Variants in SPON2 observed in about 807,000 individuals in gnomAD.
SPON2 encodes spondin 2, also known as spondin-2.
A neutral mutation model predicts 29.9 loss-of-function variants in SPON2; 32 were observed. The ratio of observed to expected loss-of-function variants is 1.07; its 90% CI spans 0.81 to 1.44. SPON2 has a LOEUF of 1.44. Ranked by LOEUF, SPON2 falls within the 40% of genes most tolerant of loss-of-function variation. SPON2 has a pLI of 0.00. For missense variants in SPON2, 541 were observed against 455.5 expected, an observed-to-expected ratio of 1.19 and a Z score of -1.71; for synonymous variants, 248 against 209.1, an observed-to-expected ratio of 1.19 and a Z score of -1.61.
At chr4:1,170,250 A>T (rs1560200535) in intron 5 of SPON2, 152 bp downstream of exon 5, 1 of 750,636 alleles carries the variant, frequency 1.3e-6, no homozygotes, top group Non-Finnish European at 2.2e-6. Flanking sequence ...TGTGTGAATC[A>T]ACAGAATCCT....
chr4:1,170,550 C>A lies in SPON2; in HGVS notation c.663G>T (p.Pro221=), dbSNP rs545107781. 6.2e-7 allele frequency: 1 copy of A among 1,613,564 alleles called. No individual in the cohort carries two copies. The highest frequency in any genetic ancestry group is 1.1e-5 in the South Asian group (1 of 91,064). ...GCCGCGGGTAGTAGAAGGAGTTGGCCGGGTGGCTGGGAGAGGAGGACGTTA... is the reference window on the plus strand; with the variant it reads ...GCCGCGGGTAGTAGAAGGAGTTGGCAGGGTGGCTGGGAGAGGAGGACGTTA... ...TEITSSSPSH[P]ANSFYYPRLK... Residue 221 remains proline, a synonymous_variant, in exon 5 of 6, where the codon CCG becomes CCT. Transcript: ENST00000290902.
chr4:1,170,176 C>T (rs148823431), intron 5 of SPON2: 28 of 539,358 alleles, frequency 5.2e-5, no homozygotes, highest in African/African-American at 1.5e-4. Flanking sequence ...TCATTCTTTC[C>T]TCTGGGCTGT....
intron 1 of SPON2, among the ~76,000 whole-genome samples, chr4:1,207,192 G>A (rs559784857): frequency 3.9e-5 from 6 of 152,250 alleles, no homozygotes; most frequent in South Asian, 2.1e-4. Context: ...GCAGGCAGCC[G>A]GGCCCCGCCA....
At chr4:1,189,760 G>C (rs570475759) in intron 1 of SPON2, among the ~76,000 whole-genome samples, 37 of 151,742 alleles carry the variant, frequency 2.4e-4, no homozygotes, top group Non-Finnish European at 4.0e-4. Context: ...AGGCTGAGGC[G>C]GGCGGATCAC....
At chr4:1,177,387 A>G (rs538717075), upstream of SPON2, among the ~76,000 whole-genome samples, 5 of 152,348 alleles carry the variant, frequency 3.3e-5, no homozygotes, top group East Asian at 7.7e-4. Context: ...TGTGTTGCTA[A>G]GGTTGGACTT....
chr4:1,201,391 G>A (rs1429501959), intron 1 of SPON2: 1 of 316,818 alleles, frequency 3.2e-6, no homozygotes, highest in African/African-American at 2.2e-5. Context: ...CAGCAATGCA[G>A]GCAGGTGTTT....
intron 5 of SPON2, chr4:1,169,626 C>T (rs1727357087): frequency 6.6e-6 from 1 of 152,324 alleles, no homozygotes; most frequent in Non-Finnish European, 1.5e-5. Context: ...CCTGCCTCAA[C>T]TCCAGCCAGC....
At chr4:1,178,154 C>T (rs1206225869), upstream of SPON2, among the ~76,000 whole-genome samples, 4 of 149,388 alleles carry the variant, frequency 2.7e-5, no homozygotes, top group African/African-American at 9.9e-5. Flanking sequence ...CACCGAGGGC[C>T]TCCCTCCGGC....
chr4:1,184,447 C>T (rs1048682675), intron 1 of SPON2, among the ~76,000 whole-genome samples: 14 of 152,110 alleles, frequency 9.2e-5, no homozygotes, highest in East Asian at 3.9e-4. Flanking sequence ...AAACCAAAAC[C>T]GAAAGAGAGC....
At chr4:1,201,816 C>A (rs923343889) in intron 1 of SPON2, among the ~76,000 whole-genome samples, 2 of 152,092 alleles carry the variant, frequency 1.3e-5, no homozygotes, top group Non-Finnish European at 2.9e-5. Flanking sequence ...ATCTCCTGAC[C>A]TCGTGATCCA....
chr4:1,188,997 C>A (rs770705033), intron 1 of SPON2, among the ~76,000 whole-genome samples: 2 of 152,034 alleles, frequency 1.3e-5, no homozygotes, highest in Non-Finnish European at 2.9e-5. Flanking sequence ...TCTCTTACCA[C>A]AATTGAATGA....
chr4:1,185,038 C>T (rs1727765821), intron 1 of SPON2, among the ~76,000 whole-genome samples: 2 of 151,732 alleles, frequency 1.3e-5, no homozygotes, highest in African/African-American at 4.8e-5. Flanking sequence ...GACAAAAGTG[C>T]CAAGACCATT....
upstream of SPON2, among the ~76,000 whole-genome samples, chr4:1,174,507 A>C (rs1165678986): frequency 1.3e-5 from 2 of 150,054 alleles, no homozygotes; most frequent in Middle Eastern, 3.4e-3. Context: ...AAAAAACAAA[A>C]AAACAAAAAA....
intron 5 of SPON2, among the ~76,000 whole-genome samples, chr4:1,168,327 G>A (rs1727314148): frequency 1.3e-5 from 2 of 152,170 alleles, no homozygotes; most frequent in African/African-American, 4.8e-5. Context: ...GAGGCCAGGA[G>A]CCCCGCCTCA....
rs991546746 is a variant in SPON2, at chr4:1,202,223, C to T, written c.-234+5657G>A. Among the ~76,000 whole-genome samples the T allele has an allele frequency of 2.2e-4, 34 of 152,322 alleles. No individual in the cohort carries two copies. The South Asian group carries it at 6.6e-3, about 30-fold the overall frequency. ...CTCCTCTTCCACGATGGCCCTTGCA[C>T]GTCGCATCCTCACCGGCTGGAGGGT... On this transcript the variant is annotated intron_variant, in intron 1 of 3. Coordinates refer to the SPON2 transcript ENST00000509233. This position sits in a 1 kb window ranked among gnomAD's most constrained non-coding sequence, Gnocchi z 5.4.
chr4:1,193,137 ACACAG>A (rs996817110), intron 1 of SPON2, among the ~76,000 whole-genome samples: 2 of 152,212 alleles, frequency 1.3e-5, no homozygotes, highest in African/African-American at 4.8e-5. Flanking sequence ...GGGTGCACAC[ACACAG>A]CACATGTGCT....
chr4:1,188,252 A>T (rs1727843276), intron 1 of SPON2, among the ~76,000 whole-genome samples: 4 of 151,650 alleles, frequency 2.6e-5, no homozygotes, highest in African/African-American at 9.7e-5. Context: ...TTGAAATGAG[A>T]CACTAGGAAA....
At chr4:1,171,231 C>T (rs1371832928) in intron 3 of SPON2, 32 bp downstream of exon 3, 4 of 1,432,932 alleles carry the variant, frequency 2.8e-6, no homozygotes, top group Admixed American at 3.1e-5. Context: ...CCCGGCCCCC[C>T]GGACCCCGCC....
rs776991535 is a variant in SPON2, at chr4:1,170,486, G to C, written c.727C>G (p.Arg243Gly). 1 of 1,613,998 alleles carries C rather than the reference G, an allele frequency of 6.2e-7. No individual in the cohort carries two copies. Among genetic ancestry groups the C allele is most frequent in the Middle Eastern group, 1.7e-4 (1 of 6,052 alleles). The change falls in exon 5 of 6, where the codon CGG (arginine) becomes GGG (glycine). Residue 243 changes from arginine (R) to glycine (G), a missense_variant. Transcript: ENST00000290902. ...AAGGCCCTGGGGCTCTGTCGCAGCC[G>C]CACCAGTGTCACCCTGGCGATGGGA... ...LPPIARVTLVRLRQSPRAFIP... is the reference protein window; with the variant it reads ...LPPIARVTLVGLRQSPRAFIP...
Sources: allele counts gnomAD v4.1 joint callset (sites outside exome capture counted in the v4.1 genomes callset), GRCh38; gene constraint gnomAD v4.1.1; non-coding constraint Gnocchi (gnomAD v3.1); transcripts MANE v1.5; gene names NCBI Gene and HGNC (gene_info 2026-07-23, HGNC 2026-07-21).